DLGAP1: variants seen among roughly 807,000 people sequenced by gnomAD.
The protein encoded by DLGAP1 is disks large-associated protein 1.
A neutral mutation model predicts 90.8 loss-of-function variants in DLGAP1; 11 were observed. That is an observed-to-expected ratio of 0.12 (90% CI 0.08 to 0.20). DLGAP1 has a LOEUF of 0.20. Among genes scored for constraint, DLGAP1 ranks in the 10% least tolerant of loss-of-function variants. The probability of loss-of-function intolerance (pLI) is 1.00; values close to 1 mark genes in which losing one functional copy is unlikely to be tolerated. For missense variants in DLGAP1, 1,050 were observed against 1,333.8 expected, an observed-to-expected ratio of 0.79 and a Z score of 3.31; for synonymous variants, 558 against 540.7, an observed-to-expected ratio of 1.03 and a Z score of -0.44.
At chr18:3,909,630 C>T (rs1367442582) in intron 3 of DLGAP1, among the ~76,000 whole-genome samples, 4 of 152,122 alleles carry the variant, frequency 2.6e-5, no homozygotes, top group African/African-American at 4.8e-5. Context: ...TTCTCTTTCT[C>T]TTGATTCTTC....
At chr18:3,957,181 A>G (rs1460470967) in intron 3 of DLGAP1, among the ~76,000 whole-genome samples, 1 of 152,208 alleles carries the variant, frequency 6.6e-6, no homozygotes, top group African/African-American at 2.4e-5. Context: ...AAAGAGAAGA[A>G]CAAGAGAGTC....
chr18:3,765,748 T>A (rs541231655), intron 5 of DLGAP1, among the ~76,000 whole-genome samples: 2 of 151,952 alleles, frequency 1.3e-5, no homozygotes, highest in East Asian at 3.9e-4. Flanking sequence ...ACAGGAGAAC[T>A]GCTTGAACCT....
At chr18:3,608,937 A>G (rs1186517253) in intron 7 of DLGAP1, among the ~76,000 whole-genome samples, 3 of 152,130 alleles carry the variant, frequency 2.0e-5, no homozygotes, top group Non-Finnish European at 4.4e-5. Flanking sequence ...CCCAGGTTCA[A>G]TGATCCTCCT....
chr18:4,382,917 C>T (rs1426670969), intron 1 of DLGAP1, among the ~76,000 whole-genome samples: 2 of 152,128 alleles, frequency 1.3e-5, no homozygotes, highest in East Asian at 3.9e-4. Context: ...TGGCCACACA[C>T]TGGATTACTT....
intron 4 of DLGAP1, among the ~76,000 whole-genome samples, chr18:3,856,865 CAA>C (rs912071937): frequency 1.5e-5 from 2 of 137,724 alleles, no homozygotes; most frequent in African/African-American, 2.7e-5. Context: ...CGTCCCCCTC[CAA>C]AAAAAAAAAG....
intron 1 of DLGAP1, among the ~76,000 whole-genome samples, chr18:4,168,314 G>A (rs538283709): frequency 6.6e-6 from 1 of 152,162 alleles, no homozygotes; most frequent in South Asian, 2.1e-4. Flanking sequence ...TTTTGACAAT[G>A]GCACAAAAGC....
intron 8 of DLGAP1, among the ~76,000 whole-genome samples, chr18:3,574,886 C>T (rs2055024947): frequency 6.6e-6 from 1 of 151,048 alleles, no homozygotes; most frequent in Non-Finnish European, 1.5e-5. Context: ...ACAATCTTGG[C>T]TCACTGCAAG....
chr18:3,877,773 G>A (rs1424453301), intron 4 of DLGAP1, among the ~76,000 whole-genome samples: 4 of 152,212 alleles, frequency 2.6e-5, no homozygotes, highest in Non-Finnish European at 5.9e-5. Flanking sequence ...CATATGCTAA[G>A]TGGATTAAAT....
At chr18:4,366,539 C>G (rs1446041677) in intron 1 of DLGAP1, among the ~76,000 whole-genome samples, 1 of 151,450 alleles carries the variant, frequency 6.6e-6, no homozygotes. Flanking sequence ...AAACCAAATA[C>G]AGTATACCTG....
chr18:4,028,315 C>CCATAA (rs776311057), intron 2 of DLGAP1, among the ~76,000 whole-genome samples: 165 of 152,292 alleles, frequency 1.1e-3, no homozygotes, highest in Admixed American at 1.8e-3. Flanking sequence ...TACAAAAACA[C>CCATAA]ATAATAGACC....
At chr18:3,916,289 C>T (rs1036905167) in intron 3 of DLGAP1, among the ~76,000 whole-genome samples, 1 of 152,160 alleles carries the variant, frequency 6.6e-6, no homozygotes, top group Non-Finnish European at 1.5e-5. Context: ...ATATGGACGG[C>T]TTGGGCTCCC....
chr18:3,579,977 TG>T (rs1306778715), intron 8 of DLGAP1, among the ~76,000 whole-genome samples: 1 of 152,314 alleles, frequency 6.6e-6, no homozygotes, highest in Admixed American at 6.5e-5. Flanking sequence ...TACTGTTATG[TG>T]GCTCGATGAC....
intron 9 of DLGAP1, among the ~76,000 whole-genome samples, chr18:3,555,732 C>T (rs2053712300): frequency 6.6e-6 from 1 of 152,054 alleles, no homozygotes; most frequent in Non-Finnish European, 1.5e-5. Flanking sequence ...ATCGCTTGAA[C>T]CCAGGAGGCG....
chr18:3,912,397 T>C (rs2072054901), intron 3 of DLGAP1, among the ~76,000 whole-genome samples: 1 of 152,092 alleles, frequency 6.6e-6, no homozygotes, highest in African/African-American at 2.4e-5. Context: ...ATATGAGGCC[T>C]AGTGTGCGAG....
At position 3,566,508 on chromosome 18, in the gene DLGAP1, A is replaced by T. The variant is rs1463480600; in HGVS notation, c.2057+982T>A. 2.6e-5 allele frequency among the ~76,000 whole-genome samples: 4 copies of T among 152,108 alleles called. No individual in the cohort carries two copies. In the East Asian group the frequency reaches 7.7e-4, roughly 29 times the overall value. On this transcript the variant is annotated intron_variant, in intron 9 of 12. Coordinates refer to ENST00000315677, the MANE Select transcript of DLGAP1 (RefSeq NM_004746.4). ...GTGTCAATCAATAGTGAGAGGTTCT[A>T]AAACAGGACCATTTCCATAAACTGA...
At chr18:4,175,140 T>C (rs1189835068) in intron 1 of DLGAP1, among the ~76,000 whole-genome samples, 3 of 152,228 alleles carry the variant, frequency 2.0e-5, no homozygotes, top group African/African-American at 7.2e-5. Flanking sequence ...TGGTATCTCA[T>C]TGAGGTTTTG....
At chr18:4,415,944 CTCTT>C (rs1358259574) in intron 1 of DLGAP1, among the ~76,000 whole-genome samples, 1 of 152,094 alleles carries the variant, frequency 6.6e-6, no homozygotes, top group Non-Finnish European at 1.5e-5. Flanking sequence ...CTTGTGAGTC[CTCTT>C]TCTCTCTCTC....
At chr18:4,356,160 C>T (rs773115053) in intron 1 of DLGAP1, among the ~76,000 whole-genome samples, 1 of 151,766 alleles carries the variant, frequency 6.6e-6, no homozygotes, top group Non-Finnish European at 1.5e-5. Context: ...TTCATGGACT[C>T]TCCCGATTTT....
chr18:4,099,667 T>C (rs960611483), intron 2 of DLGAP1, among the ~76,000 whole-genome samples: 1 of 151,754 alleles, frequency 6.6e-6, no homozygotes, highest in Non-Finnish European at 1.5e-5. Flanking sequence ...TTGCTGAAGG[T>C]TGGTGTGGTT....
Sources: allele counts gnomAD v4.1 joint callset (sites outside exome capture counted in the v4.1 genomes callset), GRCh38; gene constraint gnomAD v4.1.1; transcripts MANE v1.5; gene names NCBI Gene and HGNC (gene_info 2026-07-23, HGNC 2026-07-21).